LRRC24: variants seen among roughly 807,000 people sequenced by gnomAD.
LRRC24 encodes the protein leucine-rich repeat-containing protein 24.
A neutral mutation model predicts 15.3 loss-of-function variants in LRRC24; 19 were observed. That is an observed-to-expected ratio of 1.25 (90% CI 0.87 to 1.83). LRRC24 has a LOEUF of 1.83. LRRC24 is among the 40% of genes most tolerant of loss of function. The pLI is 0.00. For synonymous variants in LRRC24, 469 were observed against 359.6 expected, an observed-to-expected ratio of 1.30 and a Z score of -3.44; for missense variants, 914 against 723.9, an observed-to-expected ratio of 1.26 and a Z score of -3.01.
Position 144,522,527 on chromosome 8 carries a change from G to A in LRRC24, c.1490C>T (p.Ala497Val), listed in dbSNP as rs755754373. ...CGGGGGCACGCGGAGTCCCGGCCCC[G>A]CCCCCTGTTCCGGGCCGCAGTCAGC... is the stretch of plus-strand genomic sequence containing the variant. ...APADCGPEQGAGPGLRVPPPV... is the reference protein window; with the variant it reads ...APADCGPEQGVGPGLRVPPPV... The change falls in exon 5 of 5, where the codon GCG becomes GTG. Residue 497 changes from alanine to valine, a missense_variant. Physicochemically the swap from Ala to Val is moderately conservative, Grantham distance 64. Transcript: ENST00000529415. 4.6e-6 allele frequency: 7 copies of A among 1,512,562 alleles called. No individual in the cohort carries two copies. The South Asian group carries it at 5.0e-5, about 11-fold the overall frequency. 93.7% of individuals were successfully genotyped at this position (1,512,562 alleles called of 1,614,324 possible).
Position 144,525,036 on chromosome 8 carries a change from G to A in LRRC24, c.-59-3C>T. On this transcript the variant is annotated splice_polypyrimidine_tract_variant and splice_region_variant and intron_variant, in intron 1 of 4. Transcript: ENST00000529415. Reference sequence around the variant, plus strand: ...TTCAGCCGCAGACGCGTGCCCTCCTGAAACACAGGTTGGCAGGCCAGTCTC... The same window carrying A: ...TTCAGCCGCAGACGCGTGCCCTCCTAAAACACAGGTTGGCAGGCCAGTCTC... The A allele has an allele frequency of 7.3e-7, 1 of 1,367,088 alleles. No individual in the cohort carries two copies. Among genetic ancestry groups the A allele is most frequent in the Non-Finnish European group, 9.4e-7 (1 of 1,063,792 alleles). The allele number at this position is 1,367,088 out of a possible 1,614,324, so 84.7% of individuals were successfully genotyped here.
At position 144,523,906 on chromosome 8, in the gene LRRC24, G is replaced by C. The variant is rs139107360; in HGVS notation, c.607+204C>G. On this transcript the variant is annotated intron_variant, in intron 4 of 4. Transcript: ENST00000529415. ...TGTTAAGTCACCCTGTGGAGTTCCT[G>C]TCTTCTGTTTTCCCCAGGCAGGGTG... 4.2e-4 allele frequency: 266 copies of C among 633,016 alleles called. 1 individual carries two copies. The African/African-American group carries it at 4.4e-3, about 11-fold the overall frequency. 39.2% of individuals were successfully genotyped at this position (633,016 alleles called of 1,614,324 possible). A position where few individuals can be genotyped will look rare whatever the true frequency, so the allele number is the denominator to read the frequency against.
chr8:144,525,292 T>G, intron 1 of LRRC24: 1 of 233,102 alleles, frequency 4.3e-6, no homozygotes, highest in Non-Finnish European at 8.3e-6. Context: ...CACCTTCTCC[T>G]TCTCCACCCA....
rs1258561185 is a variant in LRRC24 at position 144,522,570 on chromosome 8, C to T, written c.1447G>A (p.Gly483Ser). 10 of 1,553,436 alleles carry T rather than the reference C, an allele frequency of 6.4e-6. No individual in the cohort carries two copies. Among genetic ancestry groups the T allele is most frequent in the Non-Finnish European group, 7.8e-6 (9 of 1,151,990 alleles). The part of the protein sequence containing the change: ...INRSKPLFAE[G>S]PAEAPADCGP... ...CAGTCAGCGGGCGCCTCCGCCGGAC[C>T]CTCGGCGAAGAGCGGCTTGGAGCGG... Residue 483 changes from glycine to serine, a missense_variant, in exon 5 of 5, where the codon GGT becomes AGT. Gly to Ser is a moderately conservative substitution (Grantham distance 56, BLOSUM62 0). Transcript: ENST00000529415.
intron 4 of LRRC24, 149 bp from the exon 5 acceptor site, chr8:144,523,558 A>C: frequency 3.2e-6 from 4 of 1,256,908 alleles, no homozygotes; most frequent in Non-Finnish European, 3.1e-6. Context: ...CCCTTCCTTG[A>C]CCCCAAGCTC....
At position 144,522,415 on chromosome 8, in the gene LRRC24, G is replaced by A; in HGVS notation, c.*60C>T. The A allele has an allele frequency of 1.5e-6, 2 of 1,375,886 alleles. No homozygotes were observed. 85.2% of individuals were successfully genotyped at this position (1,375,886 alleles called of 1,614,324 possible). A position where few individuals can be genotyped will look rare whatever the true frequency, so the allele number is the denominator to read the frequency against. ...CGCGGCTTCCACCTTTACTGACGGAGCATGCGCGAGGCCGCACCGGCCAAT... is the reference window on the plus strand; with the variant it reads ...CGCGGCTTCCACCTTTACTGACGGAACATGCGCGAGGCCGCACCGGCCAAT... On this transcript the variant is annotated 3_prime_UTR_variant, in exon 5 of 5. Coordinates refer to ENST00000529415, the MANE Select transcript of LRRC24 (RefSeq NM_001024678.4).
chr8:144,525,335 C>T (rs1172948725), intron 1 of LRRC24, among the ~76,000 whole-genome samples: 1 of 152,198 alleles, frequency 6.6e-6, no homozygotes, highest in African/African-American at 2.4e-5. Context: ...CTGCTCAGGA[C>T]GTGGATGTGT....
At position 144,525,008 on chromosome 8, in the gene LRRC24, CG is replaced by C; in HGVS notation, c.-35del. On this transcript the variant is annotated 5_prime_UTR_variant, in exon 2 of 5. Coordinates refer to ENST00000529415, the MANE Select transcript of LRRC24 (RefSeq NM_001024678.4). ...GCCCGGTTCCTCACCGGCCCTTCCGCGGTTCAGCCGCAGACGCGTGCCCTCC... is the reference window on the plus strand; with the variant it reads ...GCCCGGTTCCTCACCGGCCCTTCCGCGTTCAGCCGCAGACGCGTGCCCTCC... 2 of 1,411,890 alleles carry C rather than the reference CG, an allele frequency of 1.4e-6. No individual in the cohort carries two copies. Among genetic ancestry groups the C allele is most frequent in the Non-Finnish European group, 1.8e-6 (2 of 1,085,980 alleles). The allele number at this position is 1,411,890 out of a possible 1,614,324, so 87.5% of individuals were successfully genotyped here.
chr8:144,523,754 C>T lies in LRRC24; in HGVS notation c.608-345G>A, dbSNP rs1816229726. The T allele has an allele frequency of 7.2e-6, 3 of 414,234 alleles. No individual in the cohort carries two copies. In the South Asian group the frequency reaches 1.6e-4, roughly 22 times the overall value. 25.7% of individuals were successfully genotyped at this position (414,234 alleles called of 1,614,324 possible). On this transcript the variant is annotated intron_variant, in intron 4 of 4. Coordinates refer to ENST00000529415, the MANE Select transcript of LRRC24 (RefSeq NM_001024678.4). Reference sequence around the variant, plus strand: ...ACATCTCACCAGCACTGAAACCTCACAAGTCCTCTCAGCCTTGCCTTTGGA... The same window carrying T: ...ACATCTCACCAGCACTGAAACCTCATAAGTCCTCTCAGCCTTGCCTTTGGA...
At position 144,523,997 on chromosome 8, in the gene LRRC24, A is replaced by C. The variant is rs1400620305; in HGVS notation, c.607+113T>G. On this transcript the variant is annotated intron_variant, in intron 4 of 4. Transcript: ENST00000529415. ...CCAGTGTGGCTGCAGGCGGTGGTGC[A>C]GCCTTCCAGACTGCTGCCCAGTTGC... is the stretch of plus-strand genomic sequence containing the variant. 3 of 1,279,188 alleles carry C rather than the reference A, an allele frequency of 2.3e-6. No homozygotes were observed. The East Asian group carries it at 7.0e-5, about 30-fold the overall frequency. The allele number at this position is 1,279,188 out of a possible 1,614,324, so 79.2% of individuals were successfully genotyped here. A position where few individuals can be genotyped will look rare whatever the true frequency, so the allele number is the denominator to read the frequency against.
At chr8:144,523,555 T>A in intron 4 of LRRC24, 146 bp from the exon 5 acceptor site, 1 of 1,299,960 alleles carries the variant, frequency 7.7e-7, no homozygotes, top group Non-Finnish European at 9.9e-7. Flanking sequence ...CACCCCTTCC[T>A]TGACCCCAAG....
At chr8:144,523,904 C>T (rs932107693) in intron 4 of LRRC24, 28 of 627,286 alleles carry the variant, frequency 4.5e-5, no homozygotes, top group African/African-American at 1.5e-4. Context: ...TGTGGAGTTC[C>T]TGTCTTCTGT....
Position 144,523,289 on chromosome 8 carries a change from G to T in LRRC24, c.728C>A (p.Ala243Glu). The change falls in exon 5 of 5, where the codon GCG (alanine) becomes GAG (glutamate). Residue 243 changes from alanine to glutamate, a missense_variant. Coordinates refer to ENST00000529415, the MANE Select transcript of LRRC24 (RefSeq NM_001024678.4). Reference sequence around the variant, plus strand: ...GGATACGTCCAGGAGACTCTGGAGCGCCAGGCGCGGGGGCTCTGCACACAT... The same window carrying T: ...GGATACGTCCAGGAGACTCTGGAGCTCCAGGCGCGGGGGCTCTGCACACAT... The part of the protein sequence containing the change: ...KIMCAEPPRL[A>E]LQSLLDVSHS... The T allele has an allele frequency of 6.2e-7, 1 of 1,610,756 alleles. No individual in the cohort carries two copies. The highest frequency in any genetic ancestry group is 8.5e-7 in the Non-Finnish European group (1 of 1,179,114).
Position 144,522,575 on chromosome 8 carries a change from G to C in LRRC24, c.1442C>G (p.Ala481Gly). Residue 481 changes from alanine to glycine, a missense_variant, in exon 5 of 5, where the codon GCC (alanine) becomes GGC (glycine). By Grantham distance (60) the Ala-to-Gly change is moderately conservative. Transcript: ENST00000529415. ...FVINRSKPLF[A>G]EGPAEAPADC... is the part of the protein sequence containing the mutation. ...AGCGGGCGCCTCCGCCGGACCCTCGGCGAAGAGCGGCTTGGAGCGGTTGAT... is the reference window on the plus strand; with the variant it reads ...AGCGGGCGCCTCCGCCGGACCCTCGCCGAAGAGCGGCTTGGAGCGGTTGAT... 5.8e-6 allele frequency: 9 copies of C among 1,556,040 alleles called. No individual in the cohort carries two copies. The highest frequency in any genetic ancestry group is 1.2e-5 in the South Asian group (1 of 84,604).
At chr8:144,526,441 C>CA (rs1484948734) in intron 1 of LRRC24, 2 of 152,280 alleles carry the variant, frequency 1.3e-5, no homozygotes, top group Non-Finnish European at 2.9e-5. Context: ...CCTCAGAACT[C>CA]ACGGCGCTGC....
intron 1 of LRRC24, 200 bp from the exon 2 acceptor site, chr8:144,525,233 C>CA: frequency 2.8e-6 from 1 of 354,440 alleles, no homozygotes; most frequent in Non-Finnish European, 5.0e-6. Context: ...CTGGTGTCCT[C>CA]AGTGTCTTCA....
Position 144,524,869 on chromosome 8 carries a change from A to T in LRRC24, c.106T>A (p.Cys36Ser). 1.3e-6 allele frequency: 2 copies of T among 1,507,296 alleles called. No individual in the cohort carries two copies. The highest frequency in any genetic ancestry group is 1.8e-6 in the Non-Finnish European group (2 of 1,128,560). 93.4% of individuals were successfully genotyped at this position (1,507,296 alleles called of 1,614,324 possible). A position where few individuals can be genotyped will look rare whatever the true frequency, so the allele number is the denominator to read the frequency against. The change falls in exon 2 of 5, where the codon TGT (cysteine) becomes AGT (serine). Residue 36 changes from cysteine (C) to serine (S), a missense_variant. Coordinates refer to ENST00000529415, the MANE Select transcript of LRRC24 (RefSeq NM_001024678.4). ...ACGACGCGCAACCGCAGGGCGCCAC[A>T]CTCCACCGTGGCGCTGTAGCAGCGG... Reference protein sequence around the residue: ...ACRCYSATVECGALRLRVVPL... With the variant: ...ACRCYSATVESGALRLRVVPL...
Position 144,524,994 on chromosome 8 carries a change from C to T in LRRC24, c.-20G>A, listed in dbSNP as rs1315012630. ...GGCCATCTCCCGAGGCCCGGTTCCTCACCGGCCCTTCCGCGGTTCAGCCGC... is the reference window on the plus strand; with the variant it reads ...GGCCATCTCCCGAGGCCCGGTTCCTTACCGGCCCTTCCGCGGTTCAGCCGC... On this transcript the variant is annotated 5_prime_UTR_variant, in exon 2 of 5. Coordinates refer to ENST00000529415, the MANE Select transcript of LRRC24 (RefSeq NM_001024678.4). The T allele has an allele frequency of 2.1e-6, 3 of 1,431,034 alleles. No homozygotes were observed. The highest frequency in any genetic ancestry group is 5.3e-5 in the East Asian group (2 of 37,722). The allele number at this position is 1,431,034 out of a possible 1,614,324, so 88.6% of individuals were successfully genotyped here.
intron 3 of LRRC24, 71 bp from the exon 4 acceptor site, chr8:144,524,349 G>A: frequency 1.9e-6 from 3 of 1,597,066 alleles, no homozygotes; most frequent in African/African-American, 1.3e-5. Context: ...TTCTTACCAA[G>A]CTAGACTGGG....
Sources: gnomAD v4.1 joint callset for allele counts (sites outside exome capture counted in the v4.1 genomes callset) on GRCh38, gnomAD v4.1.1 for gene constraint, MANE v1.5 for transcripts, NCBI Gene and HGNC (gene_info 2026-07-23, HGNC 2026-07-21) for gene names.